The following CTNNA2 variants were observed in gnomAD, a reference collection of about 807,000 sequenced individuals.
CTNNA2 encodes the protein catenin alpha 2, also known as catenin alpha-2.
CTNNA2 carries 42 observed loss-of-function variants against 101.0 expected under a neutral mutation model. The ratio of observed to expected loss-of-function variants is 0.42; its 90% CI spans 0.32 to 0.54. The LOEUF (loss-of-function observed/expected upper bound fraction) is 0.54. CTNNA2 is among the 20% of genes least tolerant of loss of function. The probability of loss-of-function intolerance (pLI) is 0.14; values close to 1 mark genes in which losing one functional copy is unlikely to be tolerated. For missense variants in CTNNA2, 871 were observed against 1,223.1 expected, an observed-to-expected ratio of 0.71 and a Z score of 4.29; for synonymous variants, 450 against 456.4, an observed-to-expected ratio of 0.99 and a Z score of 0.18.
chr2:80,281,601 T>G (rs2149161177), intron 7 of CTNNA2, among the ~76,000 whole-genome samples: 1 of 152,020 alleles, frequency 6.6e-6, no homozygotes, highest in South Asian at 2.1e-4. Flanking sequence ...TGGTTCTTAC[T>G]TTTTTTTCCC....
intron 1 of CTNNA2, among the ~76,000 whole-genome samples, chr2:79,562,597 C>T (rs1296426976): frequency 6.6e-6 from 1 of 151,918 alleles, no homozygotes; most frequent in African/African-American, 2.4e-5. Flanking sequence ...TAAAACATTA[C>T]CCAGCATTTC....
chr2:80,513,113 A>G (rs1688841261), intron 9 of CTNNA2, among the ~76,000 whole-genome samples: 1 of 152,224 alleles, frequency 6.6e-6, no homozygotes, highest in African/African-American at 2.4e-5. Flanking sequence ...TTGCTTTGCA[A>G]GATCCTGTGG....
chr2:79,361,405 A>G (rs1348343150), intron 3 of CTNNA2, among the ~76,000 whole-genome samples: 1 of 152,198 alleles, frequency 6.6e-6, no homozygotes, highest in Non-Finnish European at 1.5e-5. Context: ...AGAGAGATGA[A>G]TGGGAAATAT....
intron 4 of CTNNA2, among the ~76,000 whole-genome samples, chr2:79,416,105 G>A (rs74448458): frequency 3.5e-4 from 53 of 152,056 alleles, no homozygotes; most frequent in Middle Eastern, 3.4e-3. Flanking sequence ...TTATTTCAGC[G>A]TTCTTCCCAG....
intron 7 of CTNNA2, among the ~76,000 whole-genome samples, chr2:80,075,399 A>T (rs1698608340): frequency 6.6e-6 from 1 of 151,748 alleles, no homozygotes; most frequent in Non-Finnish European, 1.5e-5. Context: ...ATTCTCTCTT[A>T]GTGTCTCATT....
intron 5 of CTNNA2, among the ~76,000 whole-genome samples, chr2:79,506,299 G>T (rs1355438268): frequency 6.6e-6 from 1 of 151,322 alleles, no homozygotes; most frequent in Non-Finnish European, 1.5e-5. Context: ...AAAGTATATT[G>T]GTGCATGTGT....
intron 1 of CTNNA2, among the ~76,000 whole-genome samples, chr2:79,520,145 T>C (rs981928477): frequency 3.9e-5 from 6 of 152,192 alleles, no homozygotes; most frequent in Non-Finnish European, 1.5e-5. Context: ...TACAATAAAG[T>C]GTACCCATTT....
At chr2:80,646,438 C>A (rs1338086523) in intron 18 of CTNNA2, among the ~76,000 whole-genome samples, 5 of 152,092 alleles carry the variant, frequency 3.3e-5, no homozygotes, top group African/African-American at 1.2e-4. Context: ...GCTGTTAATT[C>A]TTTTCTTTCA....
intron 1 of CTNNA2, among the ~76,000 whole-genome samples, chr2:79,518,276 T>A (rs1671912259): frequency 6.6e-6 from 1 of 152,164 alleles, no homozygotes; most frequent in Non-Finnish European, 1.5e-5. Flanking sequence ...ATGGGATGTA[T>A]TGAGATGGAG....
chr2:79,357,423 T>A (rs768640942), intron 3 of CTNNA2, among the ~76,000 whole-genome samples: 1 of 152,134 alleles, frequency 6.6e-6, no homozygotes, highest in African/African-American at 2.4e-5. Flanking sequence ...AGTAGAAAAT[T>A]CTTGGACCGA....
intron 9 of CTNNA2, among the ~76,000 whole-genome samples, chr2:80,514,871 A>G (rs566101770): frequency 6.6e-6 from 1 of 152,252 alleles, no homozygotes; most frequent in East Asian, 1.9e-4. Flanking sequence ...CATTATTCAA[A>G]AAGAACCAAT....
chr2:80,246,564 C>G (rs1490845589), intron 7 of CTNNA2, among the ~76,000 whole-genome samples: 2 of 152,128 alleles, frequency 1.3e-5, no homozygotes, highest in African/African-American at 2.4e-5. Context: ...TCAGTAGTTG[C>G]GCTCAAATGA....
chr2:79,951,836 C>A (rs1438824135), intron 7 of CTNNA2, among the ~76,000 whole-genome samples: 1 of 152,182 alleles, frequency 6.6e-6, no homozygotes, highest in Non-Finnish European at 1.5e-5. Flanking sequence ...CTCTGATGAT[C>A]CTGATGCCAA....
In CTNNA2 at chr2:80,366,547, C is replaced by T. The variant is rs903059444; in HGVS notation, c.1057-26664C>T. Among the ~76,000 whole-genome samples the T allele has an allele frequency of 5.9e-5, 9 of 152,196 alleles. No individual in the cohort carries two copies. In the South Asian group the frequency reaches 1.0e-3, roughly 18 times the overall value. On this transcript the variant is annotated intron_variant, in intron 7 of 18. Transcript: ENST00000402739. ...ATCTTTTGAGATCTGCAGATCTAGC[C>T]GATGAAGGCTGTCACATGGTTATTT...
chr2:80,565,044 ATAAT>A (rs1311095237), intron 12 of CTNNA2, among the ~76,000 whole-genome samples: 5 of 152,220 alleles, frequency 3.3e-5, no homozygotes, highest in African/African-American at 9.6e-5. Flanking sequence ...TGTAAATTAA[ATAAT>A]TAAAGTGGTG....
At chr2:79,193,021 A>G (rs969261126) in intron 1 of CTNNA2, among the ~76,000 whole-genome samples, 1 of 152,094 alleles carries the variant, frequency 6.6e-6, no homozygotes, top group Admixed American at 6.6e-5. Context: ...ATTGCCATGC[A>G]TTTCTTTATA....
intron 7 of CTNNA2, among the ~76,000 whole-genome samples, chr2:80,304,907 C>CAAA (rs56174873): frequency 4.1e-5 from 3 of 73,790 alleles, no homozygotes; most frequent in East Asian, 4.0e-4. Context: ...GTCCATATTT[C>CAAA]AAAAAAAAAA....
At chr2:79,819,718 T>A (rs1322263536) in intron 3 of CTNNA2, among the ~76,000 whole-genome samples, 1 of 152,146 alleles carries the variant, frequency 6.6e-6, no homozygotes, top group Admixed American at 6.5e-5. Context: ...TAAGATCTAG[T>A]GTTTTGTAGC....
chr2:79,657,188 C>T (rs1353516515), intron 2 of CTNNA2, among the ~76,000 whole-genome samples: 1 of 151,758 alleles, frequency 6.6e-6, no homozygotes, highest in South Asian at 2.1e-4. Flanking sequence ...CCAACATAAA[C>T]CCCTTGAGGC....
Sources: allele counts gnomAD v4.1 joint callset (sites outside exome capture counted in the v4.1 genomes callset), GRCh38; gene constraint gnomAD v4.1.1; transcripts MANE v1.5; gene names NCBI Gene and HGNC (gene_info 2026-07-23, HGNC 2026-07-21).